ANO3: variants seen among roughly 807,000 people sequenced by gnomAD.
ANO3 encodes the protein anoctamin-3.
ANO3 carries 99 observed loss-of-function variants against 144.8 expected under a neutral mutation model. The observed-to-expected ratio is 0.68, with a 90% CI of 0.58 to 0.81. ANO3 has a LOEUF of 0.81. Ranked by LOEUF, ANO3 falls within the 30% of genes least tolerant of loss-of-function variation. The probability of loss-of-function intolerance (pLI) is 0.00; values close to 1 mark genes in which losing one functional copy is unlikely to be tolerated. For synonymous variants in ANO3, 414 were observed against 392.6 expected, an observed-to-expected ratio of 1.05 and a Z score of -0.64; for missense variants, 905 against 1,202.2, an observed-to-expected ratio of 0.75 and a Z score of 3.66.
intron 25 of ANO3, 74 bp from the exon 26 acceptor site, chr11:26,656,302 T>C: frequency 6.7e-7 from 1 of 1,491,400 alleles, no homozygotes; most frequent in East Asian, 2.3e-5. Context: ...TTTGGCATTT[T>C]GGCAAATCAA....
intron 1 of ANO3, among the ~76,000 whole-genome samples, chr11:26,360,890 T>C (rs1405256847): frequency 1.3e-5 from 2 of 152,212 alleles, no homozygotes; most frequent in African/African-American, 4.8e-5. Flanking sequence ...AGAATGTTTG[T>C]GACATACCTA....
At chr11:26,303,164 C>A (rs1245847976) in intron 1 of ANO3, among the ~76,000 whole-genome samples, 1 of 152,166 alleles carries the variant, frequency 6.6e-6, no homozygotes, top group Non-Finnish European at 1.5e-5. Context: ...AACAGAACCA[C>A]CATTTGACCC....
chr11:26,322,619 A>G (rs2350208), intron 1 of ANO3, among the ~76,000 whole-genome samples: 68,242 of 151,870 alleles, frequency 0.45, 15,577 homozygotes, highest in African/African-American at 0.51. Context: ...AGGAATTATC[A>G]GTTTTGGGGA....
chr11:26,365,849 A>G (rs531253796), intron 1 of ANO3, among the ~76,000 whole-genome samples: 1 of 151,966 alleles, frequency 6.6e-6, no homozygotes, highest in African/African-American at 2.4e-5. Flanking sequence ...CCTTTTCCTC[A>G]TTGTTTGGAT....
chr11:26,445,127 A>G (rs1429595815), intron 3 of ANO3, among the ~76,000 whole-genome samples: 1 of 152,230 alleles, frequency 6.6e-6, no homozygotes, highest in Non-Finnish European at 1.5e-5. Flanking sequence ...AAAATCTGAA[A>G]TCTGAAGTGC....
intron 13 of ANO3, among the ~76,000 whole-genome samples, chr11:26,554,850 G>A (rs571223332): frequency 3.9e-5 from 6 of 152,138 alleles, no homozygotes; most frequent in Non-Finnish European, 7.4e-5. Flanking sequence ...CGTCTCTCAG[G>A]GATCATTGCC....
intron 1 of ANO3, among the ~76,000 whole-genome samples, chr11:26,342,382 A>G (rs1290370744): frequency 2.6e-5 from 4 of 152,194 alleles, no homozygotes; most frequent in Admixed American, 2.6e-4. Context: ...AGATTCATAT[A>G]GGATGAGTGC....
At chr11:26,604,698 G>A (rs1406718674) in intron 17 of ANO3, among the ~76,000 whole-genome samples, 1 of 152,040 alleles carries the variant, frequency 6.6e-6, no homozygotes, top group Non-Finnish European at 1.5e-5. Flanking sequence ...GTTCATTTAT[G>A]ATTTGGCTCT....
At chr11:26,550,627 T>C (rs1453629351) in intron 12 of ANO3, among the ~76,000 whole-genome samples, 1 of 151,996 alleles carries the variant, frequency 6.6e-6, no homozygotes, top group African/African-American at 2.4e-5. Context: ...CCAAATAATA[T>C]TGCATTACAC....
intron 4 of ANO3, among the ~76,000 whole-genome samples, chr11:26,506,252 T>G (rs940003785): frequency 6.6e-6 from 1 of 152,186 alleles, no homozygotes; most frequent in African/African-American, 2.4e-5. Flanking sequence ...TTTATTTGTA[T>G]ATGGCTCCTT....
At chr11:26,215,301 T>C (rs1020192716) in intron 1 of ANO3, among the ~76,000 whole-genome samples, 1 of 152,062 alleles carries the variant, frequency 6.6e-6, no homozygotes, top group Non-Finnish European at 1.5e-5. Flanking sequence ...TGCTTATTTC[T>C]ATTGTTATGG....
chr11:26,273,322 C>T (rs1036129424), intron 1 of ANO3, among the ~76,000 whole-genome samples: 1 of 151,534 alleles, frequency 6.6e-6, no homozygotes, highest in Non-Finnish European at 1.5e-5. Flanking sequence ...TATTTGCCCC[C>T]ATACACAATG....
At chr11:26,404,499 T>C (rs995639235) in intron 1 of ANO3, among the ~76,000 whole-genome samples, 2 of 151,818 alleles carry the variant, frequency 1.3e-5, no homozygotes, top group African/African-American at 4.8e-5. Context: ...AAAAATATTC[T>C]AGTGAGTAAG....
chr11:26,428,338 T>G (rs1484810117), intron 1 of ANO3, among the ~76,000 whole-genome samples: 1 of 152,146 alleles, frequency 6.6e-6, no homozygotes, highest in South Asian at 2.1e-4. Flanking sequence ...TTTAGATTGG[T>G]CAACTCCGAA....
chr11:26,545,247 C>T (rs116440007), intron 11 of ANO3, among the ~76,000 whole-genome samples: 7,986 of 152,040 alleles, frequency 0.053, 264 homozygotes, highest in Admixed American at 0.095. Flanking sequence ...TCCTTATACT[C>T]TTTGGTTATG....
chr11:26,649,017 C>A (rs1446259911), intron 24 of ANO3, among the ~76,000 whole-genome samples: 2 of 152,098 alleles, frequency 1.3e-5, no homozygotes, highest in African/African-American at 4.8e-5. Flanking sequence ...TATTGCATAT[C>A]GTGGGGTCTT....
intron 18 of ANO3, among the ~76,000 whole-genome samples, chr11:26,632,170 C>T (rs1158586526): frequency 5.4e-5 from 8 of 148,560 alleles, no homozygotes; most frequent in Admixed American, 2.7e-4. Context: ...CCAGCCTGGG[C>T]GACAAAGTGA....
At chr11:26,350,089 A>ACG (rs1855603143) in intron 1 of ANO3, among the ~76,000 whole-genome samples, 2 of 152,176 alleles carry the variant, frequency 1.3e-5, no homozygotes, top group African/African-American at 4.8e-5. Flanking sequence ...AAGGGGGAGA[A>ACG]GAAAGAAACA....
At chr11:26,276,443 CT>C (rs781723713) in intron 1 of ANO3, among the ~76,000 whole-genome samples, 27 of 152,012 alleles carry the variant, frequency 1.8e-4, no homozygotes, top group Non-Finnish European at 3.5e-4. Context: ...ACTCTTTGCT[CT>C]TTCCAAGAAA....
Sources: gnomAD v4.1 joint callset for allele counts (sites outside exome capture counted in the v4.1 genomes callset) on GRCh38, gnomAD v4.1.1 for gene constraint, MANE v1.5 for transcripts, NCBI Gene and HGNC (gene_info 2026-07-23, HGNC 2026-07-21) for gene names.